Variants in IL16 observed in about 807,000 individuals in gnomAD.
IL16 encodes pro-interleukin-16.
Under a neutral mutation model 110.1 loss-of-function variants are expected in IL16, and 67 were observed. The ratio of observed to expected loss-of-function variants is 0.61; its 90% CI spans 0.50 to 0.75. The LOEUF (loss-of-function observed/expected upper bound fraction) is 0.75, where lower values mean the gene tolerates loss of function less well. Ranked by LOEUF, IL16 falls within the 30% of genes least tolerant of loss-of-function variation. The pLI, the probability that IL16 is intolerant of heterozygous loss-of-function variation, is 0.00. For synonymous variants in IL16, 689 were observed against 662.9 expected (o/e 1.04, Z -0.61); for missense variants, 1,545 against 1,655.0 (o/e 0.93, Z 1.15).
chr15:81,281,291 G>T (rs1457681861), intron 8 of IL16, among the ~76,000 whole-genome samples: 1 of 152,198 alleles, frequency 6.6e-6, no homozygotes, highest in Non-Finnish European at 1.5e-5. Context: ...AAAGAAAACT[G>T]TAAAGGGCCT....
chr15:81,291,745 G>A (rs1899726588), intron 11 of IL16, among the ~76,000 whole-genome samples: 1 of 152,162 alleles, frequency 6.6e-6, no homozygotes, highest in Non-Finnish European at 1.5e-5. Flanking sequence ...GGGAGGGAGG[G>A]AGGAAGGTGC....
Position 81,259,695 on chromosome 15 carries a change from G to A in IL16, c.313-77G>A, listed in dbSNP as rs1002892978. 35 of 856,914 alleles carry A rather than the reference G, an allele frequency of 4.1e-5. No individual in the cohort carries two copies. In the African/African-American group the frequency reaches 4.8e-4, roughly 12 times the overall value. 53.1% of individuals were successfully genotyped at this position (856,914 alleles called of 1,614,324 possible). On this transcript the variant is annotated intron_variant, in intron 2 of 18. Transcript: ENST00000683961. ...GATAATCTGAGTACTTCTATGGTCA[G>A]TGTCAAAATCCAATTTTGCTAAGCA... is the stretch of plus-strand genomic sequence containing the variant.
intron 2 of IL16, among the ~76,000 whole-genome samples, chr15:81,243,989 T>C (rs962180253): frequency 1.3e-5 from 2 of 152,188 alleles, no homozygotes; most frequent in African/African-American, 4.8e-5. Context: ...TCATTGATTG[T>C]CTCTATAAAA....
At position 81,291,521 on chromosome 15, in the gene IL16, T is replaced by C. The variant is rs115201084; in HGVS notation, c.1420+981T>C. Among the ~76,000 whole-genome samples the C allele has an allele frequency of 3.6e-3, 544 of 152,264 alleles. 6 individuals carry two copies. Among genetic ancestry groups the C allele is most frequent in the African/African-American group, 0.011 (470 of 41,548 alleles). On this transcript the variant is annotated intron_variant, in intron 11 of 18. Coordinates refer to ENST00000683961, the MANE Select transcript of IL16 (RefSeq NM_172217.5). Reference sequence around the variant, plus strand: ...CTTGGCTGGCCTTGGTTCTCTCTCATGGGGCTCCTCTGGCTTTCTTGGTCT... The same window carrying C: ...CTTGGCTGGCCTTGGTTCTCTCTCACGGGGCTCCTCTGGCTTTCTTGGTCT...
At chr15:81,251,128 G>A (rs4128766) in intron 2 of IL16, among the ~76,000 whole-genome samples, 41,491 of 151,918 alleles carry the variant, frequency 0.27, 7,248 homozygotes, top group African/African-American at 0.5. Context: ...TTGCTATTTT[G>A]TTGATACATT....
At chr15:81,219,553 T>C (rs766275164) in intron 1 of IL16, among the ~76,000 whole-genome samples, 22 of 152,308 alleles carry the variant, frequency 1.4e-4, no homozygotes, top group African/African-American at 5.3e-4. Context: ...GCCCCGCTCA[T>C]GCCTGTGCAC....
intron 4 of IL16, among the ~76,000 whole-genome samples, chr15:81,266,037 A>G (rs1233308664): frequency 6.6e-6 from 1 of 152,236 alleles, no homozygotes; most frequent in East Asian, 1.9e-4. Flanking sequence ...AACTGCTGCC[A>G]CGTGTGTGCT....
At chr15:81,188,757 TTTC>T (rs1249490749) in intron 1 of IL16, among the ~76,000 whole-genome samples, 1 of 152,180 alleles carries the variant, frequency 6.6e-6, no homozygotes, top group Non-Finnish European at 1.5e-5. Context: ...CCGGCCTTTT[TTTC>T]TTCTTTCTCT....
At chr15:81,264,107 G>A (rs552041840) in intron 3 of IL16, among the ~76,000 whole-genome samples, 1 of 152,250 alleles carries the variant, frequency 6.6e-6, no homozygotes, top group South Asian at 2.1e-4. Flanking sequence ...TAATGCACAG[G>A]CAGAGTTAGC....
In IL16 at chr15:81,249,918, CTCTT is replaced by C. The variant is rs532087073; in HGVS notation, c.313-9852_313-9849del. On this transcript the variant is annotated intron_variant, in intron 2 of 18. Transcript: ENST00000683961. ...ATATATATTCCAATTCTTTCATCCT[CTCTT>C]TAACACTGTCTAATACACTTTTCAT... Among the ~76,000 whole-genome samples the C allele has an allele frequency of 4.5e-3, 679 of 152,216 alleles. 1 individual carries two copies. The highest frequency in any genetic ancestry group is 0.01 in the Middle Eastern group (3 of 294).
At position 81,301,482 on chromosome 15, in the gene IL16, G is replaced by C. The variant is rs1900284396; in HGVS notation, c.3288G>C (p.Glu1096Asp). ...AAGAATTAAAAAAACTCATCGAGGA[G>C]GTGAAGGTTCTGGATGAAGCAACAT... is the stretch of plus-strand genomic sequence containing the variant. ...SSEELKKLIE[E>D]VKVLDEATLK... Residue 1096 changes from glutamate (E) to aspartate (D), a missense_variant, in exon 15 of 19, where the codon GAG (glutamate) becomes GAC (aspartate). Coordinates refer to ENST00000683961, the MANE Select transcript of IL16 (RefSeq NM_172217.5). 1 of 1,613,970 alleles carries C rather than the reference G, an allele frequency of 6.2e-7. No individual in the cohort carries two copies. The highest frequency in any genetic ancestry group is 1.7e-5 in the Admixed American group (1 of 59,968).
chr15:81,267,959 T>A (rs1898465426), intron 4 of IL16, among the ~76,000 whole-genome samples: 1 of 152,246 alleles, frequency 6.6e-6, no homozygotes, highest in African/African-American at 2.4e-5. Context: ...ACTAAATATA[T>A]GGGCACCCAT....
At chr15:81,295,696 T>A (rs1899950850) in intron 12 of IL16, among the ~76,000 whole-genome samples, 1 of 152,220 alleles carries the variant, frequency 6.6e-6, no homozygotes. Flanking sequence ...TTCATAATGC[T>A]CTCCTAAAGC....
At chr15:81,271,105 C>T (rs1898613147) in intron 5 of IL16, among the ~76,000 whole-genome samples, 1 of 152,018 alleles carries the variant, frequency 6.6e-6, no homozygotes, top group Non-Finnish European at 1.5e-5. Context: ...CCTTTAATCC[C>T]CACAACAACC....
At position 81,313,295 on chromosome 15, in the gene IL16, A is replaced by T; in HGVS notation, c.*4497A>T. The stretch of plus-strand genomic sequence containing the variant: ...GCTTCACTGCTTTCTGAAGGTTGGC[A>T]TAAAACCGGGTCATGCTGCGGGGGA... On this transcript the variant is annotated 3_prime_UTR_variant, in exon 19 of 19. Coordinates refer to ENST00000683961, the MANE Select transcript of IL16 (RefSeq NM_172217.5). 1 of 1,581,226 alleles carries T rather than the reference A, an allele frequency of 6.3e-7. No individual in the cohort carries two copies. The highest frequency in any genetic ancestry group is 8.6e-7 in the Non-Finnish European group (1 of 1,164,400).
rs377409046 is a variant in IL16, at chr15:81,265,806, G to C, written c.564+5G>C. ...TGTCCAGCAGGAAAGGCTGCGGTAA[G>C]AATGGAAGGAGGGAAACTCAGAGAA... is the stretch of plus-strand genomic sequence containing the variant. On this transcript the variant is annotated splice_donor_5th_base_variant and intron_variant, in intron 4 of 18. Transcript: ENST00000683961. 18 of 1,609,166 alleles carry C rather than the reference G, an allele frequency of 1.1e-5. No individual in the cohort carries two copies. The African/African-American group carries it at 2.3e-4, about 20-fold the overall frequency.
At chr15:81,295,583 G>T in intron 12 of IL16, 1 of 1,078,794 alleles carries the variant, frequency 9.3e-7, no homozygotes, top group Non-Finnish European at 1.2e-6. Flanking sequence ...AGATCATCAG[G>T]CCAATATTTG....
chr15:81,282,133 T>TC (rs1178343008), intron 8 of IL16, among the ~76,000 whole-genome samples: 1 of 152,240 alleles, frequency 6.6e-6, no homozygotes, highest in Non-Finnish European at 1.5e-5. Flanking sequence ...GCAGGCTGTG[T>TC]CCCTGCCACA....
At chr15:81,240,751 A>G (rs188790654) in intron 2 of IL16, among the ~76,000 whole-genome samples, 1 of 151,608 alleles carries the variant, frequency 6.6e-6, no homozygotes, top group East Asian at 1.9e-4. Flanking sequence ...CCCAGCTTTT[A>G]ATTTGTCATT....
Sources: allele counts gnomAD v4.1 joint callset (sites outside exome capture counted in the v4.1 genomes callset), GRCh38; gene constraint gnomAD v4.1.1; transcripts MANE v1.5; gene names NCBI Gene and HGNC (gene_info 2026-07-23, HGNC 2026-07-21).